Variants in SCN9A observed in about 807,000 individuals in gnomAD.
SCN9A encodes the protein sodium channel protein type 9 subunit alpha.
In SCN9A, 131 loss-of-function variants were observed where a neutral mutation model predicts 187.0. That is an observed-to-expected ratio of 0.70 (90% CI 0.61 to 0.81). The LOEUF is 0.81. Among genes scored for constraint, SCN9A ranks in the 30% least tolerant of loss-of-function variants. The pLI, the probability that SCN9A is intolerant of heterozygous loss-of-function variation, is 0.00. For synonymous variants in SCN9A, 809 were observed against 808.6 expected, an observed-to-expected ratio of 1.00 and a Z score of -0.01; for missense variants, 2,252 against 2,396.6, an observed-to-expected ratio of 0.94 and a Z score of 1.26.
rs16851759 is a variant in SCN9A at position 166,198,543 on chromosome 2, G to C, written c.*129C>G. ...TGCCCACCTTTCTTAGGAAATCAGA[G>C]TTAGTGACTGCACTGCCTTCGAGAA... On this transcript the variant is annotated 3_prime_UTR_variant, in exon 27 of 27. Coordinates refer to ENST00000642356, the MANE Select transcript of SCN9A (RefSeq NM_001365536.1). The C allele has an allele frequency of 1.5e-6, 1 of 680,324 alleles. No homozygotes were observed. The highest frequency in any genetic ancestry group is 2.4e-6 in the Non-Finnish European group (1 of 411,398). 42.1% of individuals were successfully genotyped at this position (680,324 alleles called of 1,614,324 possible).
In SCN9A at chr2:166,286,388, C is replaced by T; in HGVS notation, c.1550G>A (p.Gly517Asp). 3 of 1,613,798 alleles carry T rather than the reference C, an allele frequency of 1.9e-6. No individual in the cohort carries two copies. Among genetic ancestry groups the T allele is most frequent in the Non-Finnish European group, 2.5e-6 (3 of 1,179,822 alleles). ...ATGTGCTCGCCTATGCCCTTCGACA[C>T]CAAGGTGGAAACTTTTTCTTCTGAT... ...DSIRRKSFHL[G>D]VEGHRRAHEK... is the part of the protein sequence containing the mutation. The change falls in exon 11 of 27, where the codon GGT becomes GAT. Residue 517 changes from glycine (G) to aspartate (D), a missense_variant. Coordinates refer to ENST00000642356, the MANE Select transcript of SCN9A (RefSeq NM_001365536.1).
chr2:166,209,796 G>C (rs566870171), intron 24 of SCN9A, among the ~76,000 whole-genome samples: 35 of 151,852 alleles, frequency 2.3e-4, no homozygotes, highest in South Asian at 6.3e-4. Context: ...TCATTAAAAA[G>C]TCAGGAAACA....
At chr2:166,368,879 C>T (rs1033198916) in intron 1 of SCN9A, among the ~76,000 whole-genome samples, 3 of 146,460 alleles carry the variant, frequency 2.0e-5, no homozygotes, top group African/African-American at 7.6e-5. Context: ...CCCGGCTACT[C>T]GGGAGGCTGA....
intron 1 of SCN9A, among the ~76,000 whole-genome samples, chr2:166,313,291 G>T (rs1699025425): frequency 1.3e-5 from 2 of 152,100 alleles, no homozygotes; most frequent in Admixed American, 1.3e-4. Flanking sequence ...AAGCTTTGAA[G>T]CCAGACATTG....
chr2:166,206,808 C>T (rs956329919), intron 24 of SCN9A, among the ~76,000 whole-genome samples: 2 of 152,022 alleles, frequency 1.3e-5, no homozygotes, highest in African/African-American at 4.8e-5. Context: ...TCAAGAAACT[C>T]TTTGACTACC....
chr2:166,205,029 G>GA (rs979030281), intron 24 of SCN9A: 3 of 152,096 alleles, frequency 2.0e-5, no homozygotes, highest in African/African-American at 7.2e-5. Flanking sequence ...ACAAATGGAA[G>GA]AATATTCCAT....
chr2:166,264,216 T>A (rs1389570035), intron 17 of SCN9A, among the ~76,000 whole-genome samples: 1 of 151,990 alleles, frequency 6.6e-6, no homozygotes, highest in Non-Finnish European at 1.5e-5. Context: ...AAATATTTAT[T>A]GACAAATGGG....
chr2:166,327,935 C>A (rs564399141), intron 1 of SCN9A, among the ~76,000 whole-genome samples: 2 of 152,286 alleles, frequency 1.3e-5, no homozygotes, highest in East Asian at 3.9e-4. Flanking sequence ...TAGGTACACT[C>A]ATCTGTGTCA....
intron 1 of SCN9A, among the ~76,000 whole-genome samples, chr2:166,332,625 C>G (rs1699532491): frequency 6.6e-6 from 1 of 152,112 alleles, no homozygotes; most frequent in Non-Finnish European, 1.5e-5. Flanking sequence ...TATCATATTA[C>G]TTCTTATACT....
rs1695179497 is a variant in SCN9A at position 166,233,367 on chromosome 2, T to C, written c.3897A>G (p.Arg1299=). Residue 1299 remains arginine, a synonymous_variant, in exon 21 of 27, where the codon AGA becomes AGG. Coordinates refer to ENST00000642356, the MANE Select transcript of SCN9A (RefSeq NM_001365536.1). ...TCATTCCTTCAAATCTAGATAAGGC[T>C]CTTAGAGGTCTTAAAGCTCTCAGTG... The part of the protein sequence containing the change: ...LRTLRALRPL[R]ALSRFEGMRV... The C allele has an allele frequency of 2.6e-6, 4 of 1,566,718 alleles. No homozygotes were observed. The South Asian group carries it at 5.0e-5, about 19-fold the overall frequency.
At chr2:166,233,122 TATGCATACTGTATATAGTATGTAA>T (rs1391687002) in intron 21 of SCN9A, among the ~76,000 whole-genome samples, 194 bp downstream of exon 21, 3 of 147,666 alleles carry the variant, frequency 2.0e-5, no homozygotes, top group African/African-American at 5.0e-5. Context: ...ATATAGTATA[TATGCATACTGTATATAGTATGTAA>T]ATGCATACTA....
At chr2:166,314,650 C>T (rs1699063878) in intron 1 of SCN9A, among the ~76,000 whole-genome samples, 1 of 152,156 alleles carries the variant, frequency 6.6e-6, no homozygotes, top group Non-Finnish European at 1.5e-5. Context: ...AGTATAGGTA[C>T]ATGTTACAAC....
chr2:166,247,067 G>T (rs924143545), intron 18 of SCN9A, among the ~76,000 whole-genome samples: 1 of 144,144 alleles, frequency 6.9e-6, no homozygotes, highest in African/African-American at 2.6e-5. Context: ...GTGAGTAAAT[G>T]CTATTTCTTT....
intron 1 of SCN9A, among the ~76,000 whole-genome samples, chr2:166,316,701 T>C (rs1046635853): frequency 3.3e-5 from 5 of 152,142 alleles, no homozygotes; most frequent in Admixed American, 3.3e-4. Flanking sequence ...CTCAAATAAA[T>C]AAATAAAGTG....
At chr2:166,371,777 TTCAATTAG>T (rs1700569927) in intron 1 of SCN9A, among the ~76,000 whole-genome samples, 1 of 152,188 alleles carries the variant, frequency 6.6e-6, no homozygotes, top group Non-Finnish European at 1.5e-5. Flanking sequence ...AAGGACCATC[TTCAATTAG>T]TACACAGATG....
chr2:166,222,788 G>A lies in SCN9A; in HGVS notation c.4398+3779C>T, dbSNP rs1456095409. ...TCTACTAAAAATACAAAAATTAGCC[G>A]GGCATGGTGGCGCACGCCTGTAGTC... On this transcript the variant is annotated intron_variant, in intron 24 of 26. Coordinates refer to ENST00000642356, the MANE Select transcript of SCN9A (RefSeq NM_001365536.1). 1.0e-4 allele frequency among the ~76,000 whole-genome samples: 15 copies of A among 145,732 alleles called. 1 individual carries two copies. Among genetic ancestry groups the A allele is most frequent in the African/African-American group, 3.7e-4 (14 of 37,926 alleles).
At chr2:166,366,311 T>G (rs1700415716) in intron 1 of SCN9A, among the ~76,000 whole-genome samples, 1 of 152,236 alleles carries the variant, frequency 6.6e-6, no homozygotes, top group African/African-American at 2.4e-5. Flanking sequence ...ACTTAGCATG[T>G]CTCTTCTAGG....
Position 166,284,685 on chromosome 2 carries a change from T to C in SCN9A, c.1742A>G (p.Asn581Ser), listed in dbSNP as rs1003743997. Residue 581 changes from asparagine (N) to serine (S), a missense_variant, in exon 12 of 27, where the codon AAT (asparagine) becomes AGT (serine). Coordinates refer to ENST00000642356, the MANE Select transcript of SCN9A (RefSeq NM_001365536.1). ...AAACAGTGAGCCCCTTCTGCTCTCATTGTCTCCAAAAATGCTGTGCTCATC... is the reference window on the plus strand; with the variant it reads ...AAACAGTGAGCCCCTTCTGCTCTCACTGTCTCCAAAAATGCTGTGCTCATC... ...ADDEHSIFGD[N>S]ESRRGSLFVP... 1 of 1,613,888 alleles carries C rather than the reference T, an allele frequency of 6.2e-7. No homozygotes were observed. Among genetic ancestry groups the C allele is most frequent in the African/African-American group, 1.3e-5 (1 of 74,938 alleles).
chr2:166,204,001 T>C lies in SCN9A; in HGVS notation c.4728A>G (p.Val1576=), dbSNP rs1203786118. Residue 1576 remains valine, a synonymous_variant, in exon 26 of 27, where the codon GTA becomes GTG. Transcript: ENST00000642356. ...CCACAAAATCAAAAATATTCCATCC[T>C]ACAGTGAAGTAGTAGTGTCTGAGGG... ...LISLRHYYFT[V]GWNIFDFVVV... 6.2e-7 allele frequency: 1 copy of C among 1,603,032 alleles called. No individual in the cohort carries two copies. Among genetic ancestry groups the C allele is most frequent in the Non-Finnish European group, 8.5e-7 (1 of 1,170,982 alleles).
Sources: allele counts gnomAD v4.1 joint callset (sites outside exome capture counted in the v4.1 genomes callset), GRCh38; gene constraint gnomAD v4.1.1; transcripts MANE v1.5; gene names NCBI Gene and HGNC (gene_info 2026-07-23, HGNC 2026-07-21).